The following DRC11 variants were observed in gnomAD, a reference collection of about 807,000 sequenced individuals.
DRC11 encodes the protein dynein regulatory complex subunit 11, also known as IQ and AAA domain-containing protein 1.
the DRC11 span, among the ~76,000 whole-genome samples, chr2:236,446,550 T>C: frequency 6.6e-6 from 1 of 152,216 alleles, no homozygotes; most frequent in Non-Finnish European, 1.5e-5. The surrounding 1 kb of genome is among the most constrained non-coding windows in gnomAD (Gnocchi z 6.2). Flanking sequence ...AATGGGCACT[T>C]ACCCTGTCTT....
the DRC11 span, among the ~76,000 whole-genome samples, chr2:236,345,246 G>A: frequency 6.6e-6 from 1 of 152,170 alleles, no homozygotes; most frequent in East Asian, 1.9e-4. Context: ...TGCTGCACAG[G>A]CACAGAAATG....
chr2:236,306,773 A>C, the DRC11 span, among the ~76,000 whole-genome samples: 1 of 152,190 alleles, frequency 6.6e-6, no homozygotes, highest in Non-Finnish European at 1.5e-5. This position sits in a 1 kb window ranked among gnomAD's most constrained non-coding sequence, Gnocchi z 5.9. Context: ...GGCCCATGTC[A>C]AATTTTCTAT....
At chr2:236,429,766 C>T in the DRC11 span, among the ~76,000 whole-genome samples, 1 of 152,202 alleles carries the variant, frequency 6.6e-6, no homozygotes, top group South Asian at 2.1e-4. The surrounding 1 kb of genome is among the most constrained non-coding windows in gnomAD (Gnocchi z 5.9). Flanking sequence ...AGTCATGTGG[C>T]TCTGGGTGGC....
chr2:236,350,008 A>G, the DRC11 span, among the ~76,000 whole-genome samples: 3 of 152,112 alleles, frequency 2.0e-5, no homozygotes, highest in Admixed American at 2.0e-4. This position sits in a 1 kb window ranked among gnomAD's most constrained non-coding sequence, Gnocchi z 5.2. Context: ...TGGGGCCTCT[A>G]TTTTCTCAAC....
At chr2:236,406,377 G>A in the DRC11 span, among the ~76,000 whole-genome samples, 2 of 152,196 alleles carry the variant, frequency 1.3e-5, no homozygotes, top group Non-Finnish European at 2.9e-5. This position sits in a 1 kb window ranked among gnomAD's most constrained non-coding sequence, Gnocchi z 4.7. Context: ...TCTGAAGTAG[G>A]CTGTTGAGGG....
At chr2:236,503,596 CAGCTT>C in the DRC11 span, 4 of 1,535,260 alleles carry the variant, frequency 2.6e-6, no homozygotes, top group South Asian at 4.8e-5. This position sits in a 1 kb window ranked among gnomAD's most constrained non-coding sequence, Gnocchi z 4.9. Context: ...GGAAAATGAG[CAGCTT>C]TGAAAGCACA....
chr2:236,496,557 C>T, the DRC11 span, among the ~76,000 whole-genome samples: 17 of 152,204 alleles, frequency 1.1e-4, no homozygotes, highest in African/African-American at 3.4e-4. The surrounding 1 kb of genome is among the most constrained non-coding windows in gnomAD (Gnocchi z 6.3). Context: ...GCCGAATGCT[C>T]GCAGGAGGGG....
chr2:236,414,591 GC>G, the DRC11 span, among the ~76,000 whole-genome samples: 1 of 152,114 alleles, frequency 6.6e-6, no homozygotes, highest in East Asian at 1.9e-4. Context: ...CTCCCAAAGT[GC>G]TGGGATTACA....
chr2:236,396,117 C>T, the DRC11 span, among the ~76,000 whole-genome samples: 3 of 151,930 alleles, frequency 2.0e-5, no homozygotes, highest in South Asian at 2.1e-4. Flanking sequence ...GACACTTTTG[C>T]GCAGGGCACT....
the DRC11 span, among the ~76,000 whole-genome samples, chr2:236,477,700 AT>A: frequency 6.6e-6 from 1 of 152,040 alleles, no homozygotes; most frequent in Non-Finnish European, 1.5e-5. Flanking sequence ...TTTATTATTG[AT>A]TCAATCTCAT....
At chr2:236,412,098 G>A in the DRC11 span, among the ~76,000 whole-genome samples, 5 of 152,176 alleles carry the variant, frequency 3.3e-5, 1 homozygote, top group South Asian at 1.0e-3. Context: ...GTCTCCCTAT[G>A]TTGCCCAGGC....
At chr2:236,374,385 T>C in the DRC11 span, among the ~76,000 whole-genome samples, 1 of 152,222 alleles carries the variant, frequency 6.6e-6, no homozygotes, top group African/African-American at 2.4e-5. Flanking sequence ...TTGGTGGATA[T>C]TTGACTACTT....
At chr2:236,452,415 G>C in the DRC11 span, among the ~76,000 whole-genome samples, 2 of 152,168 alleles carry the variant, frequency 1.3e-5, no homozygotes, top group Admixed American at 1.3e-4. This position sits in a 1 kb window ranked among gnomAD's most constrained non-coding sequence, Gnocchi z 4.7. Flanking sequence ...GGGGTTTCCA[G>C]CCGGTCCCCC....
the DRC11 span, chr2:236,380,671 C>T: frequency 6.8e-7 from 1 of 1,460,482 alleles, no homozygotes; most frequent in Non-Finnish European, 9.4e-7. The surrounding 1 kb of genome is among the most constrained non-coding windows in gnomAD (Gnocchi z 4.9). Context: ...ACAATTTAGT[C>T]AAAACAAGCA....
chr2:236,390,817 G>A, the DRC11 span, among the ~76,000 whole-genome samples: 1 of 152,156 alleles, frequency 6.6e-6, no homozygotes, highest in African/African-American at 2.4e-5. The surrounding 1 kb of genome is among the most constrained non-coding windows in gnomAD (Gnocchi z 5.9). Flanking sequence ...GGGTGGGCCT[G>A]GTGTCAGGGT....
the DRC11 span, chr2:236,377,040 TG>T: frequency 9.0e-7 from 1 of 1,114,626 alleles, no homozygotes; most frequent in Non-Finnish European, 1.3e-6. This position sits in a 1 kb window ranked among gnomAD's most constrained non-coding sequence, Gnocchi z 4.9. Context: ...TTCCGGCTGC[TG>T]GGATTTCAAA....
the DRC11 span, among the ~76,000 whole-genome samples, chr2:236,326,909 G>A: frequency 1.3e-4 from 19 of 151,628 alleles, no homozygotes; most frequent in African/African-American, 4.4e-4. Flanking sequence ...TAGTAGAGGC[G>A]GGGTTTTGCC....
At chr2:236,397,143 C>T in the DRC11 span, among the ~76,000 whole-genome samples, 26,432 of 152,240 alleles carry the variant, frequency 0.17, 2,472 homozygotes, top group Non-Finnish European at 0.21. This position sits in a 1 kb window ranked among gnomAD's most constrained non-coding sequence, Gnocchi z 5.0. Context: ...GATCTGGTTT[C>T]GTGGAAGCTC....
chr2:236,380,357 G>A, the DRC11 span, among the ~76,000 whole-genome samples: 2 of 152,182 alleles, frequency 1.3e-5, no homozygotes, highest in South Asian at 2.1e-4. The surrounding 1 kb of genome is among the most constrained non-coding windows in gnomAD (Gnocchi z 4.9). Flanking sequence ...ATGTTATGAC[G>A]TCAGAAGCCA....
Sources: allele counts gnomAD v4.1 joint callset (sites outside exome capture counted in the v4.1 genomes callset), GRCh38; gene constraint gnomAD v4.1.1; non-coding constraint Gnocchi (gnomAD v3.1); transcripts MANE v1.5; gene names NCBI Gene and HGNC (gene_info 2026-07-23, HGNC 2026-07-21).